Variants in LRBA observed in about 807,000 individuals in gnomAD.
The protein encoded by LRBA is LPS responsive beige-like anchor protein.
LRBA carries 176 observed loss-of-function variants against 330.0 expected under a neutral mutation model. That is an observed-to-expected ratio of 0.53 (90% CI 0.47 to 0.60). The LOEUF (loss-of-function observed/expected upper bound fraction) is 0.60, where lower values mean the gene tolerates loss of function less well. Among genes scored for constraint, LRBA ranks in the 20% least tolerant of loss-of-function variants. The pLI is 0.00. For synonymous variants in LRBA, 1,230 were observed against 1,193.0 expected, an observed-to-expected ratio of 1.03 and a Z score of -0.64; for missense variants, 3,259 against 3,444.8, an observed-to-expected ratio of 0.95 and a Z score of 1.35.
Position 150,852,198 on chromosome 4 carries a change from G to A in LRBA, c.3512C>T (p.Thr1171Ile), listed in dbSNP as rs1750696451. Residue 1171 changes from threonine to isoleucine, a missense_variant, in exon 23 of 57, where the codon ACT becomes ATT. Coordinates refer to ENST00000651943, the MANE Select transcript of LRBA (RefSeq NM_001364905.1). Reference sequence around the variant, plus strand: ...AATTCCAGAATCTTTAGAATCTTGAGTTTCAGTATCAGTTTGCTTTTCAGT... The same window carrying A: ...AATTCCAGAATCTTTAGAATCTTGAATTTCAGTATCAGTTTGCTTTTCAGT... ...PVTEKQTDTE[T>I]QDSKDSGIQT... 1 of 1,613,986 alleles carries A rather than the reference G, an allele frequency of 6.2e-7. No homozygotes were observed. Among genetic ancestry groups the A allele is most frequent in the Non-Finnish European group, 8.5e-7 (1 of 1,180,014 alleles).
At position 150,501,752 on chromosome 4, in the gene LRBA, T is replaced by C. The variant is rs555050324; in HGVS notation, c.6331-10717A>G. Reference sequence around the variant, plus strand: ...TTCAAGGGTCAGAATACTTCCACTTTTGATGAAGATGGAGTAACAGGGCCT... The same window carrying C: ...TTCAAGGGTCAGAATACTTCCACTTCTGATGAAGATGGAGTAACAGGGCCT... On this transcript the variant is annotated intron_variant, in intron 40 of 56. Transcript: ENST00000651943. Among the ~76,000 whole-genome samples, 7 of 152,246 alleles carry C rather than the reference T, an allele frequency of 4.6e-5. No homozygotes were observed. The East Asian group carries it at 1.2e-3, about 25-fold the overall frequency.
chr4:150,905,788 CAAA>C (rs1186891317), intron 13 of LRBA, 47 bp downstream of exon 13: 33 of 1,487,286 alleles, frequency 2.2e-5, no homozygotes, highest in Non-Finnish European at 3.0e-5. Flanking sequence ...TCCTCACGCA[CAAA>C]AACAGCAAAG....
chr4:150,648,055 GAAGT>G (rs1292111931), intron 37 of LRBA, among the ~76,000 whole-genome samples: 5 of 148,286 alleles, frequency 3.4e-5, no homozygotes. Flanking sequence ...CAAATGTAGA[GAAGT>G]AATAGAAAAT....
At chr4:150,432,647 G>A (rs1185024107) in intron 46 of LRBA, among the ~76,000 whole-genome samples, 5 of 151,340 alleles carry the variant, frequency 3.3e-5, no homozygotes, top group African/African-American at 1.2e-4. Flanking sequence ...GAGTTTCACC[G>A]TGTTAGTCAG....
At chr4:150,351,103 G>T (rs1045305599) in intron 47 of LRBA, among the ~76,000 whole-genome samples, 1 of 152,074 alleles carries the variant, frequency 6.6e-6, no homozygotes, top group Non-Finnish European at 1.5e-5. Context: ...CAAGTATTTG[G>T]TTGAGATGCT....
intron 56 of LRBA, among the ~76,000 whole-genome samples, chr4:150,277,652 T>G (rs1175181851): frequency 6.6e-6 from 1 of 152,034 alleles, no homozygotes; most frequent in Non-Finnish European, 1.5e-5. Context: ...GGTTTTACTA[T>G]ACAATTTTGA....
chr4:150,650,245 G>A (rs1018088044), intron 37 of LRBA, among the ~76,000 whole-genome samples: 1 of 151,968 alleles, frequency 6.6e-6, no homozygotes, highest in African/African-American at 2.4e-5. Flanking sequence ...TACAAATTTG[G>A]GCAAGTGCTT....
rs771448199 is a variant in LRBA, at chr4:150,870,513, T to C, written c.2449+12A>G. Reference sequence around the variant, plus strand: ...AAAAGGTAGTTTTTGTTAAAGTATATAAAATACATACGAGGGTTTTGTATC... The same window carrying C: ...AAAAGGTAGTTTTTGTTAAAGTATACAAAATACATACGAGGGTTTTGTATC... On this transcript the variant is annotated intron_variant, in intron 20 of 56. Transcript: ENST00000651943. 2 of 1,486,876 alleles carry C rather than the reference T, an allele frequency of 1.3e-6. No homozygotes were observed. The highest frequency in any genetic ancestry group is 2.3e-5 in the East Asian group (1 of 44,102). The allele number at this position is 1,486,876 out of a possible 1,614,324, so 92.1% of individuals were successfully genotyped here. A position where few individuals can be genotyped will look rare whatever the true frequency, so the allele number is the denominator to read the frequency against.
chr4:150,500,496 T>G (rs971783577), intron 40 of LRBA, among the ~76,000 whole-genome samples: 4 of 152,058 alleles, frequency 2.6e-5, no homozygotes, highest in African/African-American at 9.7e-5. Flanking sequence ...GAGAATTCCT[T>G]GAACCTGGGA....
intron 43 of LRBA, among the ~76,000 whole-genome samples, chr4:150,470,200 C>T (rs1367432475): frequency 6.6e-6 from 1 of 151,908 alleles, no homozygotes; most frequent in Admixed American, 6.6e-5. Context: ...ATAAAAAAGA[C>T]CTGTAATTAC....
chr4:150,877,215 G>A (rs147450965), intron 17 of LRBA, among the ~76,000 whole-genome samples: 15 of 147,982 alleles, frequency 1.0e-4, no homozygotes, highest in Middle Eastern at 3.5e-3. Context: ...CAGAGATCGC[G>A]CCACTGCACT....
chr4:150,307,797 T>TTTA (rs1489492210), intron 52 of LRBA, among the ~76,000 whole-genome samples: 1 of 152,050 alleles, frequency 6.6e-6, no homozygotes, highest in Non-Finnish European at 1.5e-5. Context: ...AAGAGGAGTG[T>TTTA]TTAGGTTCAA....
chr4:150,847,010 G>A (rs1578981062), intron 26 of LRBA, among the ~76,000 whole-genome samples: 1 of 152,088 alleles, frequency 6.6e-6, no homozygotes, highest in Admixed American at 6.5e-5. Flanking sequence ...AAAGTGAAAA[G>A]CCTTCGAAAA....
At chr4:150,542,626 A>G (rs1765432202) in intron 40 of LRBA, among the ~76,000 whole-genome samples, 1 of 152,214 alleles carries the variant, frequency 6.6e-6, no homozygotes, top group Admixed American at 6.5e-5. Context: ...TGTTTTCTGC[A>G]GCTAACGAGA....
intron 56 of LRBA, among the ~76,000 whole-genome samples, chr4:150,268,076 T>C (rs1233345618): frequency 2.2e-5 from 3 of 136,802 alleles, no homozygotes; most frequent in Admixed American, 7.6e-5. Flanking sequence ...AAAAAAAAAA[T>C]GACTCAAATT....
At chr4:150,274,831 C>G (rs1035411681) in intron 56 of LRBA, among the ~76,000 whole-genome samples, 2 of 152,150 alleles carry the variant, frequency 1.3e-5, no homozygotes, top group African/African-American at 4.8e-5. Context: ...CAGACAGATT[C>G]ACAGCCAATT....
intron 29 of LRBA, among the ~76,000 whole-genome samples, chr4:150,830,666 G>A (rs1035598106): frequency 2.5e-4 from 38 of 151,908 alleles, no homozygotes; most frequent in African/African-American, 6.3e-4. Flanking sequence ...GACACTAAGT[G>A]CAGGGTAAGG....
rs745514451 is a variant in LRBA at position 150,849,547 on chromosome 4, C to T, written c.4033G>A (p.Val1345Met). ...AAGATGACATTATCACTGCTATTCA[C>T]GAAGTCCATAACTGTCTTTGTTGAA... ...SHSTKTVMDF[V>M]NSSDNVIFVH... The change falls in exon 25 of 57, where the codon GTG becomes ATG. Residue 1345 changes from valine (V) to methionine (M), a missense_variant. Physicochemically the swap from Val to Met is conservative, Grantham distance 21. Transcript: ENST00000651943. 19 of 1,612,620 alleles carry T rather than the reference C, an allele frequency of 1.2e-5. No individual in the cohort carries two copies. The highest frequency in any genetic ancestry group is 4.0e-5 in the African/African-American group (3 of 74,872).
intron 17 of LRBA, among the ~76,000 whole-genome samples, chr4:150,873,351 G>A (rs774921173): frequency 2.6e-5 from 4 of 152,132 alleles, no homozygotes; most frequent in Non-Finnish European, 5.9e-5. Flanking sequence ...AGCAGTTTGG[G>A]AGGCCAAGGC....
Sources: gnomAD v4.1 joint callset for allele counts (sites outside exome capture counted in the v4.1 genomes callset) on GRCh38, gnomAD v4.1.1 for gene constraint, MANE v1.5 for transcripts, NCBI Gene and HGNC (gene_info 2026-07-23, HGNC 2026-07-21) for gene names.